PMM2: variants seen among roughly 807,000 people sequenced by gnomAD.
The protein encoded by PMM2 is mannose-6-phosphate isomerase.
PMM2 carries 35 observed loss-of-function variants against 33.2 expected under a neutral mutation model. That is an observed-to-expected ratio of 1.06 (90% CI 0.81 to 1.40). The LOEUF (loss-of-function observed/expected upper bound fraction) is 1.40. PMM2 is among the 40% of genes most tolerant of loss of function. PMM2 has a pLI of 0.00. For missense variants in PMM2, 386 were observed against 306.0 expected, an observed-to-expected ratio of 1.26 and a Z score of -1.95; for synonymous variants, 153 against 114.7, an observed-to-expected ratio of 1.33 and a Z score of -2.13.
chr16:8,809,986 T>C (rs1207287061), intron 4 of PMM2: 1 of 152,394 alleles, frequency 6.6e-6, no homozygotes, highest in Non-Finnish European at 1.5e-5. Context: ...AATTTTTGTA[T>C]TTTTTGTAGA....
chr16:8,832,455 C>T, intron 7 of PMM2: 1 of 985,420 alleles, frequency 1.0e-6, no homozygotes, highest in African/African-American at 1.7e-5. Flanking sequence ...ACCTCCCCAC[C>T]AGCCCCCAGC....
At chr16:8,839,985 C>T (rs1183327952) in intron 7 of PMM2, among the ~76,000 whole-genome samples, 5 of 151,026 alleles carry the variant, frequency 3.3e-5, no homozygotes, top group Non-Finnish European at 7.4e-5. Flanking sequence ...TAAATGAGTT[C>T]TTCAGGAGGG....
intron 7 of PMM2, among the ~76,000 whole-genome samples, chr16:8,845,658 A>C (rs2060920621): frequency 6.6e-6 from 1 of 151,600 alleles, no homozygotes; most frequent in Non-Finnish European, 1.5e-5. Context: ...GGCTCACTGC[A>C]ATCTCCGCCT....
At chr16:8,826,509 T>C (rs751625266) in intron 7 of PMM2, among the ~76,000 whole-genome samples, 7 of 152,202 alleles carry the variant, frequency 4.6e-5, no homozygotes, top group South Asian at 4.1e-4. Flanking sequence ...AAGCCACTTA[T>C]GACCTTAAAG....
At position 8,813,739 on chromosome 16, in the gene PMM2, A is replaced by C. The variant is rs112944423; in HGVS notation, c.639+633A>C. ...AGGAATACATAGAAGAAATGCCCCC[A>C]GGTGTCCTCTCCGTGGGGCAAGGTG... On this transcript the variant is annotated intron_variant, in intron 7 of 7. Coordinates refer to ENST00000268261, the MANE Select transcript of PMM2 (RefSeq NM_000303.3). Among the ~76,000 whole-genome samples the C allele has an allele frequency of 5.9e-3, 901 of 152,102 alleles. 17 individuals are homozygous for C. Among genetic ancestry groups the C allele is most frequent in the African/African-American group, 0.021 (863 of 41,484 alleles).
At chr16:8,844,710 C>G (rs142757164) in intron 7 of PMM2, among the ~76,000 whole-genome samples, 6 of 152,180 alleles carry the variant, frequency 3.9e-5, no homozygotes, top group Non-Finnish European at 5.9e-5. Flanking sequence ...AGTCCGTGAC[C>G]GGCGCCGGTT....
Position 8,801,914 on chromosome 16 carries a change from A to T in PMM2, c.178+4A>T, listed in dbSNP as rs1368361382. On this transcript the variant is annotated splice_donor_region_variant and intron_variant, in intron 2 of 7. Transcript: ENST00000268261. ...CAGGAGCAACTGGGAAATGATGGTA[A>T]ATGATGGGTTGCTAATTACATCTGG... The T allele has an allele frequency of 6.4e-7, 1 of 1,561,860 alleles. No individual in the cohort carries two copies. The highest frequency in any genetic ancestry group is 1.1e-5 in the South Asian group (1 of 89,652).
intron 7 of PMM2, among the ~76,000 whole-genome samples, chr16:8,819,930 T>G (rs1403181878): frequency 6.6e-6 from 1 of 152,212 alleles, no homozygotes; most frequent in Non-Finnish European, 1.5e-5. Flanking sequence ...TCTGTCATTC[T>G]CCTACATCGC....
chr16:8,815,083 A>G (rs2060699494), intron 7 of PMM2, among the ~76,000 whole-genome samples: 1 of 152,186 alleles, frequency 6.6e-6, no homozygotes, highest in South Asian at 2.1e-4. Flanking sequence ...GGAATCATGC[A>G]GTATTCATCC....
chr16:8,814,460 G>T (rs1328549647), intron 7 of PMM2, among the ~76,000 whole-genome samples: 3 of 152,116 alleles, frequency 2.0e-5, no homozygotes, highest in Non-Finnish European at 4.4e-5. Flanking sequence ...CTGATCTCTG[G>T]TCCACTCCAA....
At chr16:8,813,229 G>A in intron 7 of PMM2, 123 bp downstream of exon 7, 1 of 751,256 alleles carries the variant, frequency 1.3e-6, no homozygotes, top group Non-Finnish European at 2.4e-6. Flanking sequence ...ACTGAGCAGT[G>A]GCTTCTGTCC....
intron 7 of PMM2, among the ~76,000 whole-genome samples, chr16:8,830,801 G>A (rs1347047631): frequency 6.6e-6 from 1 of 152,238 alleles, no homozygotes; most frequent in Non-Finnish European, 1.5e-5. Context: ...CCCCAGGCAA[G>A]AAGGGGGTTT....
chr16:8,809,785 CTTTGTTT>C (rs2060668103), intron 4 of PMM2: 1 of 151,778 alleles, frequency 6.6e-6, no homozygotes, highest in Admixed American at 6.6e-5. Flanking sequence ...GAAAAAAACT[CTTTGTTT>C]TTTGTTTTTT....
At chr16:8,799,521 CTTCTGATT>C (rs1369309824) in intron 1 of PMM2, among the ~76,000 whole-genome samples, 2 of 151,538 alleles carry the variant, frequency 1.3e-5, no homozygotes, top group Non-Finnish European at 2.9e-5. Flanking sequence ...CAGGAAAGTG[CTTCTGATT>C]TTCTGATTTT....
At chr16:8,835,882 A>C (rs986575583) in intron 7 of PMM2, among the ~76,000 whole-genome samples, 2 of 151,912 alleles carry the variant, frequency 1.3e-5, no homozygotes, top group South Asian at 4.2e-4. Flanking sequence ...GTTGGGGGAT[A>C]CAAGAGGAGG....
At chr16:8,803,828 C>CACAT (rs1567157382) in intron 2 of PMM2, among the ~76,000 whole-genome samples, 4 of 151,244 alleles carry the variant, frequency 2.6e-5, no homozygotes, top group Non-Finnish European at 5.9e-5. Context: ...GGACTACAGG[C>CACAT]GCCCACCAGC....
chr16:8,836,248 A>G (rs1417569758), intron 7 of PMM2, among the ~76,000 whole-genome samples: 1 of 151,892 alleles, frequency 6.6e-6, no homozygotes, highest in Admixed American at 6.6e-5. Context: ...GTGATGGTTT[A>G]TGGGGCTTCC....
intron 7 of PMM2, among the ~76,000 whole-genome samples, chr16:8,835,287 C>T (rs996793614): frequency 3.4e-5 from 5 of 147,344 alleles, no homozygotes; most frequent in South Asian, 2.2e-4. Context: ...TAATCAGACA[C>T]GATCAACAGG....
chr16:8,827,922 T>TTA (rs1265061504), intron 7 of PMM2, among the ~76,000 whole-genome samples: 1 of 83,688 alleles, frequency 1.2e-5, no homozygotes, highest in Non-Finnish European at 2.4e-5. Context: ...ATATTATGTT[T>TTA]TATATATAAT....
Sources: gnomAD v4.1 joint callset for allele counts (sites outside exome capture counted in the v4.1 genomes callset) on GRCh38, gnomAD v4.1.1 for gene constraint, MANE v1.5 for transcripts, NCBI Gene and HGNC (gene_info 2026-07-23, HGNC 2026-07-21) for gene names.